The following PDCL3 variants were observed in gnomAD, a reference collection of about 807,000 sequenced individuals.
The protein encoded by PDCL3 is phosducin-like protein 3.
Under a neutral mutation model 26.5 loss-of-function variants are expected in PDCL3, and 22 were observed. The ratio of observed to expected loss-of-function variants is 0.83; its 90% CI spans 0.59 to 1.19. PDCL3 has a LOEUF of 1.19. Ranked by LOEUF, PDCL3 falls within the 50% of genes most tolerant of loss-of-function variation. The pLI is 0.00. For synonymous variants in PDCL3, 81 were observed against 104.9 expected (o/e 0.77, Z 1.39); for missense variants, 246 against 294.1 (o/e 0.84, Z 1.20).
chr2:100,568,890 C>G, intron 2 of PDCL3, 41 bp from the exon 3 acceptor site: 1 of 1,506,084 alleles, frequency 6.6e-7, no homozygotes, highest in East Asian at 2.3e-5. Context: ...GTTCGTTCAT[C>G]TTTTTAAATT....
chr2:100,573,094 A>C (rs1047893068), intron 5 of PDCL3, among the ~76,000 whole-genome samples: 3 of 150,252 alleles, frequency 2.0e-5, no homozygotes, highest in South Asian at 4.3e-4. Context: ...CATGTTGGCC[A>C]GGCTGGTCTT....
At chr2:100,569,104 G>A in intron 3 of PDCL3, 83 bp downstream of exon 3, 4 of 1,225,786 alleles carry the variant, frequency 3.3e-6, no homozygotes, top group South Asian at 1.3e-5. Context: ...GCAATAAAAT[G>A]TGTGGGCTGA....
In PDCL3 at chr2:100,574,313, A is replaced by G. The variant is rs375854526; in HGVS notation, c.578-2041A>G. Among the ~76,000 whole-genome samples, 18 of 151,548 alleles carry G rather than the reference A, an allele frequency of 1.2e-4. No homozygotes were observed. In the East Asian group the frequency reaches 3.1e-3, roughly 26 times the overall value. Reference sequence around the variant, plus strand: ...CCTGAGCCACCACATCTGGCTGGATATAAATTCTTGAGTCAGGAATCTGAA... The same window carrying G: ...CCTGAGCCACCACATCTGGCTGGATGTAAATTCTTGAGTCAGGAATCTGAA... On this transcript the variant is annotated intron_variant, in intron 5 of 5. Coordinates refer to ENST00000264254, the MANE Select transcript of PDCL3 (RefSeq NM_024065.5).
chr2:100,569,492 C>A, intron 3 of PDCL3, 86 bp from the exon 4 acceptor site: 1 of 1,465,274 alleles, frequency 6.8e-7, no homozygotes, highest in Non-Finnish European at 9.1e-7. Context: ...ATAAATAAAC[C>A]TGGGCTTTTA....
At chr2:100,575,865 C>A (rs1014360404) in intron 5 of PDCL3, among the ~76,000 whole-genome samples, 2 of 152,050 alleles carry the variant, frequency 1.3e-5, no homozygotes, top group African/African-American at 4.8e-5. Context: ...TGATTTCCTT[C>A]CTGGGAAATT....
intron 3 of PDCL3, 149 bp downstream of exon 3, chr2:100,569,170 C>T (rs901865036): frequency 1.5e-4 from 103 of 675,406 alleles, no homozygotes; most frequent in Non-Finnish European, 3.8e-5. Flanking sequence ...GCAGGCAGAT[C>T]GCTTGAGCTC....
intron 2 of PDCL3, among the ~76,000 whole-genome samples, chr2:100,567,620 TC>T (rs1186350701): frequency 1.3e-5 from 2 of 152,130 alleles, no homozygotes; most frequent in Admixed American, 1.3e-4. Flanking sequence ...GAAGAAGACA[TC>T]TGGGTATTCC....
At chr2:100,575,079 G>A (rs530650909) in intron 5 of PDCL3, among the ~76,000 whole-genome samples, 4 of 152,292 alleles carry the variant, frequency 2.6e-5, no homozygotes, top group Admixed American at 6.5e-5. Context: ...CCTGGGTGAT[G>A]GAGTGAGAGC....
Position 100,571,623 on chromosome 2 carries a change from C to CAGG in PDCL3, c.404_405insGAG (p.Leu134_Ser135insArg), listed in dbSNP as rs1331812041. On this transcript the variant is annotated inframe_insertion, in exon 5 of 6. Coordinates refer to ENST00000264254, the MANE Select transcript of PDCL3 (RefSeq NM_024065.5). Reference sequence around the variant, plus strand: ...TCTGTGCCCTGATAAATCAGCACCTCAGTGGACTTGCCAGGAAGTTTCCTG... The same window carrying CAGG: ...TCTGTGCCCTGATAAATCAGCACCTCAGGAGTGGACTTGCCAGGAAGTTTCCTG... The CAGG allele has an allele frequency of 6.2e-7, 1 of 1,613,060 alleles. No homozygotes were observed. The highest frequency in any genetic ancestry group is 8.5e-7 in the Non-Finnish European group (1 of 1,179,836).
rs375637566 is a variant in PDCL3 at position 100,576,329 on chromosome 2, A to T, written c.578-25A>T. ...ACCTTTGCAGCACAGTGCCTTAGGC[A>T]ATTTGCTTTTTCTTTACCATATAGA... On this transcript the variant is annotated intron_variant, in intron 5 of 5. Coordinates refer to ENST00000264254, the MANE Select transcript of PDCL3 (RefSeq NM_024065.5). 137 of 1,612,314 alleles carry T rather than the reference A, an allele frequency of 8.5e-5. No individual in the cohort carries two copies. In the Middle Eastern group the frequency reaches 2.0e-3, roughly 23 times the overall value.
At chr2:100,574,928 C>A (rs1031659091) in intron 5 of PDCL3, among the ~76,000 whole-genome samples, 1 of 152,096 alleles carries the variant, frequency 6.6e-6, no homozygotes, top group Non-Finnish European at 1.5e-5. Context: ...ATAGCGAGAT[C>A]CCATGTCTAC....
At chr2:100,569,129 A>G in intron 3 of PDCL3, 108 bp downstream of exon 3, 1 of 919,130 alleles carries the variant, frequency 1.1e-6, no homozygotes, top group South Asian at 1.6e-5. Context: ...GGTGACTCAT[A>G]CCTGTAGTCC....
intron 5 of PDCL3, among the ~76,000 whole-genome samples, chr2:100,574,583 C>A (rs1219229038): frequency 1.3e-5 from 2 of 152,146 alleles, no homozygotes; most frequent in Non-Finnish European, 2.9e-5. Context: ...CATCATTTCA[C>A]ATAGCTGCCC....
At chr2:100,567,937 G>A (rs758678663) in intron 2 of PDCL3, among the ~76,000 whole-genome samples, 5 of 151,696 alleles carry the variant, frequency 3.3e-5, no homozygotes, top group Admixed American at 6.6e-5. Context: ...ATTCTCCTGC[G>A]TCAGCCTCCC....
intron 5 of PDCL3, 81 bp downstream of exon 5, chr2:100,571,879 C>G (rs1675183167): frequency 1.4e-6 from 2 of 1,408,426 alleles, no homozygotes; most frequent in South Asian, 1.2e-5. Flanking sequence ...TTCCTGGACT[C>G]CTGTTACGAT....
chr2:100,571,575 A>C lies in PDCL3; in HGVS notation c.369-15A>C. ...AGGATCATAATTGCTTCTGTTTTCT[A>C]TGTGTGTTTTATAGAATTCCCCTCT... On this transcript the variant is annotated splice_polypyrimidine_tract_variant and intron_variant, in intron 4 of 5. Coordinates refer to ENST00000264254, the MANE Select transcript of PDCL3 (RefSeq NM_024065.5). The C allele has an allele frequency of 6.2e-7, 1 of 1,610,288 alleles. No homozygotes were observed. The highest frequency in any genetic ancestry group is 1.1e-5 in the South Asian group (1 of 91,034).
intron 5 of PDCL3, among the ~76,000 whole-genome samples, chr2:100,573,016 C>G (rs1017855243): frequency 6.6e-6 from 1 of 151,714 alleles, no homozygotes; most frequent in East Asian, 2.0e-4. Context: ...TCTCAGGTAG[C>G]TGGGATTACA....
At chr2:100,571,877 C>T (rs887611249) in intron 5 of PDCL3, 79 bp downstream of exon 5, 8 of 1,418,334 alleles carry the variant, frequency 5.6e-6, no homozygotes, top group Admixed American at 5.1e-5. Context: ...ATTTCCTGGA[C>T]TCCTGTTACG....
rs1251256507 is a variant in PDCL3, at chr2:100,571,679, C to G, written c.458C>G (p.Thr153Ser). 7.9e-5 allele frequency: 127 copies of G among 1,613,508 alleles called. No individual in the cohort carries two copies. The highest frequency in any genetic ancestry group is 1.0e-4 in the Non-Finnish European group (118 of 1,179,880). The change falls in exon 5 of 6, where the codon ACC (threonine) becomes AGC (serine). Residue 153 changes from threonine (T) to serine (S), a missense_variant. Coordinates refer to ENST00000264254, the MANE Select transcript of PDCL3 (RefSeq NM_024065.5). ...DVKFIKAIST[T>S]CIPNYPDRNL... Reference sequence around the variant, plus strand: ...AAATTTATCAAAGCCATTTCAACAACCTGCATACCCAATTATCCTGATAGG... The same window carrying G: ...AAATTTATCAAAGCCATTTCAACAAGCTGCATACCCAATTATCCTGATAGG...
Sources: gnomAD v4.1 joint callset for allele counts (sites outside exome capture counted in the v4.1 genomes callset) on GRCh38, gnomAD v4.1.1 for gene constraint, MANE v1.5 for transcripts, NCBI Gene and HGNC (gene_info 2026-07-23, HGNC 2026-07-21) for gene names.